Variants in SIK2 observed in about 807,000 individuals in gnomAD.
SIK2 encodes the protein salt inducible kinase 2.
A neutral mutation model predicts 103.2 loss-of-function variants in SIK2; 29 were observed. The observed-to-expected ratio is 0.28, with a 90% CI of 0.21 to 0.38. The LOEUF is 0.38. Ranked by LOEUF, SIK2 falls within the 10% of genes least tolerant of loss-of-function variation. SIK2 has a pLI of 1.00. For synonymous variants in SIK2, 412 were observed against 446.1 expected, an observed-to-expected ratio of 0.92 and a Z score of 0.96; for missense variants, 879 against 1,171.0, an observed-to-expected ratio of 0.75 and a Z score of 3.64.
At chr11:111,683,601 G>A (rs918594415) in intron 3 of SIK2, among the ~76,000 whole-genome samples, 5 of 152,002 alleles carry the variant, frequency 3.3e-5, no homozygotes, top group Admixed American at 2.0e-4. Flanking sequence ...ACAGGTGGCC[G>A]CCACCATGCC....
intron 1 of SIK2, among the ~76,000 whole-genome samples, chr11:111,604,059 G>A (rs12807730): frequency 6.6e-6 from 1 of 152,202 alleles, no homozygotes; most frequent in South Asian, 2.1e-4. Flanking sequence ...TTATCTTTTA[G>A]AATCAGGACC....
At chr11:111,637,731 G>A (rs569379203) in intron 3 of SIK2, among the ~76,000 whole-genome samples, 22 of 151,582 alleles carry the variant, frequency 1.5e-4, no homozygotes, top group African/African-American at 5.3e-4. Flanking sequence ...CAAAGTGCTG[G>A]GATTACAGGC....
At chr11:111,619,470 A>G (rs1014955082) in intron 2 of SIK2, among the ~76,000 whole-genome samples, 6 of 152,114 alleles carry the variant, frequency 3.9e-5, no homozygotes, top group Non-Finnish European at 1.5e-5. Flanking sequence ...CAGCCTCCCA[A>G]GTAGCTGGGA....
intron 3 of SIK2, among the ~76,000 whole-genome samples, chr11:111,634,579 C>T (rs1479037984): frequency 6.6e-6 from 1 of 152,184 alleles, no homozygotes; most frequent in East Asian, 1.9e-4. Flanking sequence ...TGAATCACTT[C>T]AACACCTAAG....
rs1271059742 is a variant in SIK2 at position 111,723,736 on chromosome 11, G to A, written c.2388G>A (p.Glu796=). Residue 796 remains glutamate, a synonymous_variant, in exon 15 of 15, where the codon GAG becomes GAA. Transcript: ENST00000304987. ...GCCCTTTCCTCAGCCAGTACCAAGA[G>A]ATGCAGCTTCAGCCCCTGCCCTCCA... The part of the protein sequence containing the change: ...QYSPFLSQYQ[E]MQLQPLPSTS... 1.2e-6 allele frequency: 2 copies of A among 1,614,132 alleles called. No homozygotes were observed. Among genetic ancestry groups the A allele is most frequent in the Non-Finnish European group, 1.7e-6 (2 of 1,180,046 alleles).
chr11:111,640,722 A>ATTTTTTTT (rs58052684), intron 3 of SIK2, among the ~76,000 whole-genome samples: 10 of 65,944 alleles, frequency 1.5e-4, no homozygotes, highest in African/African-American at 3.0e-4. Context: ...GAAACAGGCA[A>ATTTTTTTT]TTTTTTTTTT....
intron 1 of SIK2, among the ~76,000 whole-genome samples, chr11:111,613,663 C>T (rs1941760186): frequency 6.6e-6 from 1 of 152,046 alleles, no homozygotes; most frequent in African/African-American, 2.4e-5. Context: ...GTTCTACTTG[C>T]CTAGCAGTCA....
chr11:111,626,173 T>C (rs1591592850), intron 3 of SIK2, among the ~76,000 whole-genome samples: 1 of 152,306 alleles, frequency 6.6e-6, no homozygotes, highest in South Asian at 2.1e-4. Flanking sequence ...TTTTCCACTC[T>C]TGGGTACAGT....
chr11:111,692,281 G>T (rs1942959798), intron 4 of SIK2, among the ~76,000 whole-genome samples: 1 of 140,498 alleles, frequency 7.1e-6, no homozygotes, highest in South Asian at 2.3e-4. Context: ...AACCCAGGAG[G>T]TGGAGGTTGC....
intron 3 of SIK2, among the ~76,000 whole-genome samples, chr11:111,631,519 G>T (rs757463749): frequency 1.3e-5 from 2 of 152,096 alleles, no homozygotes; most frequent in Non-Finnish European, 2.9e-5. Flanking sequence ...TGTTGAAAAG[G>T]CTGATTGTGA....
chr11:111,660,262 A>G (rs2135870639), intron 3 of SIK2, among the ~76,000 whole-genome samples: 1 of 152,254 alleles, frequency 6.6e-6, no homozygotes, highest in Admixed American at 6.5e-5. Flanking sequence ...TGGTTAATGA[A>G]GCCTTGTATC....
At chr11:111,685,506 G>C (rs1460313275) in intron 3 of SIK2, among the ~76,000 whole-genome samples, 1 of 152,176 alleles carries the variant, frequency 6.6e-6, no homozygotes, top group African/African-American at 2.4e-5. Flanking sequence ...TGTTTGAAGT[G>C]AAGAGGGACT....
Position 111,721,072 on chromosome 11 carries a change from T to C in SIK2, c.1944+10T>C. 1.2e-6 allele frequency: 2 copies of C among 1,606,330 alleles called. No homozygotes were observed. Among genetic ancestry groups the C allele is most frequent in the East Asian group, 2.2e-5 (1 of 44,850 alleles). On this transcript the variant is annotated intron_variant, in intron 12 of 14. Coordinates refer to ENST00000304987, the MANE Select transcript of SIK2 (RefSeq NM_015191.3). ...TAGCAGCTGCCCTCAGGTGGGTACCTTGGGCCCTTCCCTCAATGGCTCTGT... is the reference window on the plus strand; with the variant it reads ...TAGCAGCTGCCCTCAGGTGGGTACCCTGGGCCCTTCCCTCAATGGCTCTGT...
At chr11:111,645,907 AG>A (rs1468996461) in intron 3 of SIK2, among the ~76,000 whole-genome samples, 2 of 151,856 alleles carry the variant, frequency 1.3e-5, no homozygotes, top group African/African-American at 4.8e-5. Context: ...AGTATGGGGG[AG>A]GTGCTTCTGG....
intron 3 of SIK2, among the ~76,000 whole-genome samples, chr11:111,626,012 G>A (rs1286995848): frequency 6.6e-6 from 1 of 152,122 alleles, no homozygotes; most frequent in African/African-American, 2.4e-5. Context: ...GGATTACATT[G>A]TTTTATACAC....
At chr11:111,673,679 T>G (rs753574864) in intron 3 of SIK2, among the ~76,000 whole-genome samples, 10 of 152,222 alleles carry the variant, frequency 6.6e-5, no homozygotes, top group Admixed American at 6.5e-5. Context: ...TACTAGAAAT[T>G]ATAGGGTAAG....
rs200096678 is a variant in SIK2 at position 111,701,587 on chromosome 11, T to C, written c.727+12T>C. 9 of 1,613,224 alleles carry C rather than the reference T, an allele frequency of 5.6e-6. No homozygotes were observed. In the East Asian group the frequency reaches 2.0e-4, roughly 36 times the overall value. ...TTTCATGTCAGAAGGTAATCAACTT[T>C]TCATCTTATTAATGGTGTTTTACAG... On this transcript the variant is annotated intron_variant, in intron 6 of 14. Transcript: ENST00000304987. The surrounding 1 kb of genome is among the most constrained non-coding windows in gnomAD (Gnocchi z 4.2).
intron 8 of SIK2, among the ~76,000 whole-genome samples, chr11:111,706,571 C>T (rs1457315467): frequency 6.6e-6 from 1 of 152,168 alleles, no homozygotes; most frequent in Non-Finnish European, 1.5e-5. Flanking sequence ...TAAAATTTTG[C>T]ATTGGCATCT....
chr11:111,617,939 A>AT (rs552696432), intron 2 of SIK2, among the ~76,000 whole-genome samples: 154 of 151,074 alleles, frequency 1.0e-3, no homozygotes, highest in African/African-American at 3.6e-3. Context: ...ATTGTATTTT[A>AT]TTTTTTTTAG....
Sources: gnomAD v4.1 joint callset for allele counts (sites outside exome capture counted in the v4.1 genomes callset) on GRCh38, gnomAD v4.1.1 for gene constraint, Gnocchi (gnomAD v3.1) non-coding constraint, MANE v1.5 for transcripts, NCBI Gene and HGNC (gene_info 2026-07-23, HGNC 2026-07-21) for gene names.